The following SHANK2 variants were observed in gnomAD, a reference collection of about 807,000 sequenced individuals.
SHANK2 encodes SH3 and multiple ankyrin repeat domains 2.
In SHANK2, 43 loss-of-function variants were observed where a neutral mutation model predicts 133.7. The ratio of observed to expected loss-of-function variants is 0.32; its 90% CI spans 0.25 to 0.41. The LOEUF (loss-of-function observed/expected upper bound fraction) is 0.41, where lower values mean the gene tolerates loss of function less well. Ranked by LOEUF, SHANK2 falls within the 10% of genes least tolerant of loss-of-function variation. The pLI is 1.00. For missense variants in SHANK2, 1,994 were observed against 2,235.8 expected, an observed-to-expected ratio of 0.89 and a Z score of 2.18; for synonymous variants, 1,017 against 952.8, an observed-to-expected ratio of 1.07 and a Z score of -1.24.
chr11:70,567,225 G>A (rs2059979041), intron 17 of SHANK2, among the ~76,000 whole-genome samples: 1 of 152,146 alleles, frequency 6.6e-6, no homozygotes, highest in Non-Finnish European at 1.5e-5. Flanking sequence ...CTAACCTCCG[G>A]TACTCAAGGG....
chr11:70,933,371 G>A (rs765482622), intron 10 of SHANK2: 98 of 452,824 alleles, frequency 2.2e-4, no homozygotes, highest in Non-Finnish European at 4.2e-4. Context: ...GGGGAGGAGG[G>A]AACAAAGAGT....
In SHANK2 at chr11:70,486,587, C is replaced by T. The variant is rs1555153727; in HGVS notation, c.3706G>A (p.Gly1236Arg). 6.2e-7 allele frequency: 1 copy of T among 1,613,966 alleles called. No homozygotes were observed. Among genetic ancestry groups the T allele is most frequent in the South Asian group, 1.1e-5 (1 of 91,084 alleles). The part of the protein sequence containing the change: ...AMKESQQGPK[G>R]EAPKADLNKP... ...TTGAGGTCGGCCTTGGGGGCCTCCC[C>T]TTTGGGTCCCTGTTGAGACTCCTTC... Residue 1236 changes from glycine (G) to arginine (R), a missense_variant, in exon 25 of 26, where the codon GGG becomes AGG. Gly to Arg is a moderately radical substitution (Grantham distance 125). Transcript: ENST00000601538. This position sits in a 1 kb window ranked among gnomAD's most constrained non-coding sequence, Gnocchi z 8.0.
chr11:71,127,795 C>T (rs1555103022), intron 3 of SHANK2, among the ~76,000 whole-genome samples: 3 of 152,170 alleles, frequency 2.0e-5, no homozygotes. Context: ...GGTCTGGAAC[C>T]AGACTCACTA....
chr11:70,708,819 G>A (rs184583283), intron 14 of SHANK2, among the ~76,000 whole-genome samples: 99 of 152,292 alleles, frequency 6.5e-4, no homozygotes, highest in Non-Finnish European at 1.2e-3. Context: ...CAGATGCCAC[G>A]GGAGAGTGGG....
chr11:71,235,593 C>CG (rs1332638370), intron 1 of SHANK2, among the ~76,000 whole-genome samples: 57 of 89,632 alleles, frequency 6.4e-4, no homozygotes, highest in African/African-American at 3.9e-3. Context: ...AACTCTCTCT[C>CG]GGGGAAAAAA....
intron 2 of SHANK2, among the ~76,000 whole-genome samples, chr11:71,200,383 T>G (rs1555116894): frequency 6.6e-6 from 1 of 152,232 alleles, no homozygotes; most frequent in African/African-American, 2.4e-5. Context: ...ATCTGACTGA[T>G]TCCAGTTTTG....
At chr11:70,593,554 T>C (rs1018020710) in intron 17 of SHANK2, among the ~76,000 whole-genome samples, 1 of 152,064 alleles carries the variant, frequency 6.6e-6, no homozygotes, top group East Asian at 1.9e-4. Context: ...AGCAGGTGTG[T>C]CAGAAAATAC....
At position 70,582,277 on chromosome 11, in the gene SHANK2, C is replaced by T. The variant is rs193061406; in HGVS notation, c.2061+77551G>A. On this transcript the variant is annotated intron_variant, in intron 17 of 25. Transcript: ENST00000601538. The stretch of plus-strand genomic sequence containing the variant: ...TGAAAGGACCACCTAACTGTCCCCA[C>T]ACATCCGGGGCCTCCAAGCCGCTAA... Among the ~76,000 whole-genome samples, 701 of 152,376 alleles carry T rather than the reference C, an allele frequency of 4.6e-3. 6 individuals are homozygous for T. Among genetic ancestry groups the T allele is most frequent in the Non-Finnish European group, 5.9e-3 (403 of 68,042 alleles).
At chr11:70,718,211 A>G (rs1783611) in intron 14 of SHANK2, among the ~76,000 whole-genome samples, 96,652 of 152,102 alleles carry the variant, frequency 0.64, 31,170 homozygotes, top group African/African-American at 0.76. Flanking sequence ...TAGAGGCGGC[A>G]GCTGTCCTCG....
At chr11:71,228,816 G>T (rs1954686851) in intron 1 of SHANK2, among the ~76,000 whole-genome samples, 1 of 152,066 alleles carries the variant, frequency 6.6e-6, no homozygotes, top group Middle Eastern at 3.4e-3. Context: ...GTAAATCAAA[G>T]GTCTTCATGA....
intron 11 of SHANK2, among the ~76,000 whole-genome samples, chr11:70,845,729 T>A (rs1590751534): frequency 6.6e-6 from 1 of 152,008 alleles, no homozygotes; most frequent in South Asian, 2.1e-4. Context: ...CCCGGGTGAA[T>A]GAATGCACAT....
At chr11:70,710,915 G>C (rs570131655) in intron 14 of SHANK2, among the ~76,000 whole-genome samples, 1 of 152,298 alleles carries the variant, frequency 6.6e-6, no homozygotes, top group African/African-American at 2.4e-5. Context: ...GGAGGGAACT[G>C]GGGCTGCAGG....
chr11:71,126,519 T>A lies in SHANK2; in HGVS notation c.208-7487A>T, dbSNP rs1344572377. On this transcript the variant is annotated intron_variant, in intron 3 of 25. Transcript: ENST00000601538. ...ATGGATTAAGGATTAATTTCGACATTCAAGTCTTATTATTTAACAATATAT... is the reference window on the plus strand; with the variant it reads ...ATGGATTAAGGATTAATTTCGACATACAAGTCTTATTATTTAACAATATAT... Among the ~76,000 whole-genome samples, 6 of 152,226 alleles carry A rather than the reference T, an allele frequency of 3.9e-5. 1 individual carries two copies. The highest frequency in any genetic ancestry group is 3.9e-4 in the Admixed American group (6 of 15,286).
At chr11:70,876,419 G>C (rs1949565912) in intron 11 of SHANK2, among the ~76,000 whole-genome samples, 1 of 151,432 alleles carries the variant, frequency 6.6e-6, no homozygotes, top group Non-Finnish European at 1.5e-5. Context: ...AATTAGCTGG[G>C]CGTGGTATCG....
intron 11 of SHANK2, among the ~76,000 whole-genome samples, chr11:70,862,320 G>A (rs1565367528): frequency 6.6e-6 from 1 of 152,230 alleles, no homozygotes. Flanking sequence ...CCCTCTTCGA[G>A]CTCCTGGGGT....
chr11:70,907,065 T>C (rs1950114994), intron 10 of SHANK2, among the ~76,000 whole-genome samples: 1 of 152,188 alleles, frequency 6.6e-6, no homozygotes, highest in South Asian at 2.1e-4. Context: ...ACTCAAGCAA[T>C]GTCCACAACT....
chr11:70,692,971 T>C (rs1945321319), intron 15 of SHANK2, among the ~76,000 whole-genome samples: 1 of 152,222 alleles, frequency 6.6e-6, no homozygotes, highest in Non-Finnish European at 1.5e-5. Flanking sequence ...CAGACCTTGC[T>C]GCCAGTAAGG....
rs1466453617 is a variant in SHANK2 at position 70,500,033 on chromosome 11, C to T, written c.2308+537G>A. ...CCTGAGTCTATCTGGGGCCTGCGGT[C>T]CGGCTGCCCACAGCCACAGTGACTG... On this transcript the variant is annotated intron_variant, in intron 21 of 25. Transcript: ENST00000601538. This position sits in a 1 kb window ranked among gnomAD's most constrained non-coding sequence, Gnocchi z 4.5. Among the ~76,000 whole-genome samples the T allele has an allele frequency of 1.3e-5, 2 of 152,142 alleles. No individual in the cohort carries two copies. Among genetic ancestry groups the T allele is most frequent in the African/African-American group, 4.8e-5 (2 of 41,434 alleles).
intron 6 of SHANK2, among the ~76,000 whole-genome samples, chr11:71,107,689 G>A (rs1465236437): frequency 6.6e-6 from 1 of 152,162 alleles, no homozygotes; most frequent in Non-Finnish European, 1.5e-5. Context: ...TTTAACTCCA[G>A]GCAGGACCCA....
Sources: gnomAD v4.1 joint callset for allele counts (sites outside exome capture counted in the v4.1 genomes callset) on GRCh38, gnomAD v4.1.1 for gene constraint, Gnocchi (gnomAD v3.1) non-coding constraint, MANE v1.5 for transcripts, NCBI Gene and HGNC (gene_info 2026-07-23, HGNC 2026-07-21) for gene names.